Variants in PAM observed in about 807,000 individuals in gnomAD.
PAM encodes peptidyl-glycine alpha-amidating monooxygenase.
In PAM, 72 loss-of-function variants were observed where a neutral mutation model predicts 122.1. The observed-to-expected ratio is 0.59, with a 90% CI of 0.49 to 0.72. PAM has a LOEUF of 0.72. Among genes scored for constraint, PAM ranks in the 30% least tolerant of loss-of-function variants. The probability of loss-of-function intolerance (pLI) is 0.00; values close to 1 mark genes in which losing one functional copy is unlikely to be tolerated. For synonymous variants in PAM, 389 were observed against 404.4 expected (o/e 0.96, Z 0.46); for missense variants, 1,106 against 1,183.7 (o/e 0.93, Z 0.96).
chr5:102,847,851 A>G (rs115295123), intron 1 of PAM, among the ~76,000 whole-genome samples: 270 of 152,230 alleles, frequency 1.8e-3, no homozygotes, highest in African/African-American at 6.2e-3. Flanking sequence ...ACATCCTACA[A>G]TTTCTTCCAT....
At chr5:102,931,052 C>G (rs1236450817) in intron 7 of PAM, among the ~76,000 whole-genome samples, 1 of 152,018 alleles carries the variant, frequency 6.6e-6, no homozygotes, top group Non-Finnish European at 1.5e-5. Context: ...ATAGTGGTAT[C>G]ATAAAGGTAC....
intron 1 of PAM, among the ~76,000 whole-genome samples, chr5:102,777,703 G>A (rs1352278349): frequency 6.6e-6 from 1 of 152,036 alleles, no homozygotes; most frequent in East Asian, 1.9e-4. Context: ...TGAGGAACAT[G>A]GAATGTCACC....
intron 12 of PAM, among the ~76,000 whole-genome samples, chr5:102,955,062 T>G (rs1177699897): frequency 6.6e-6 from 1 of 152,112 alleles, no homozygotes; most frequent in African/African-American, 2.4e-5. Flanking sequence ...TCTTTGAAGT[T>G]TTTATATTTC....
intron 15 of PAM, among the ~76,000 whole-genome samples, chr5:102,978,414 A>G (rs1441264680): frequency 6.6e-6 from 1 of 152,204 alleles, no homozygotes; most frequent in Non-Finnish European, 1.5e-5. Flanking sequence ...TAGAGATAGC[A>G]TTAATAGAGT....
intron 15 of PAM, among the ~76,000 whole-genome samples, chr5:102,987,983 A>C (rs561752021): frequency 6.6e-6 from 1 of 152,204 alleles, no homozygotes; most frequent in East Asian, 1.9e-4. Flanking sequence ...GTACCTCAAA[A>C]TTTTCAGTAG....
At chr5:102,850,977 T>G (rs7704891) in intron 1 of PAM, among the ~76,000 whole-genome samples, 16,895 of 152,172 alleles carry the variant, frequency 0.11, 2,195 homozygotes, top group African/African-American at 0.31. Flanking sequence ...ATTGGTAGGT[T>G]CTATTTTGGG....
At chr5:102,874,416 C>T (rs895218959) in intron 3 of PAM, among the ~76,000 whole-genome samples, 2 of 152,050 alleles carry the variant, frequency 1.3e-5, no homozygotes, top group Admixed American at 6.6e-5. Context: ...TTTATTTTTA[C>T]TGAAACTTAT....
intron 1 of PAM, among the ~76,000 whole-genome samples, chr5:102,766,459 G>A (rs775438805): frequency 9.2e-5 from 14 of 152,070 alleles, no homozygotes; most frequent in South Asian, 4.1e-4. Flanking sequence ...CTCTAATGCC[G>A]CAGCTGATCT....
intron 1 of PAM, among the ~76,000 whole-genome samples, chr5:102,772,138 C>G (rs1755962419): frequency 6.6e-6 from 1 of 152,216 alleles, no homozygotes; most frequent in Middle Eastern, 3.4e-3. Context: ...TCACTTCATA[C>G]AGTGTGGTGG....
chr5:102,872,192 T>A (rs1198087100), intron 3 of PAM, among the ~76,000 whole-genome samples: 3 of 152,172 alleles, frequency 2.0e-5, no homozygotes, highest in Non-Finnish European at 4.4e-5. Flanking sequence ...CTTCAGATCA[T>A]GCATTGAAAT....
intron 1 of PAM, among the ~76,000 whole-genome samples, chr5:102,817,947 G>A (rs1036261595): frequency 2.7e-5 from 4 of 149,652 alleles, no homozygotes; most frequent in African/African-American, 7.4e-5. Context: ...GGTGTCTGCA[G>A]GGCCTGTGCA....
At chr5:102,953,833 G>C (rs1759798322) in intron 12 of PAM, among the ~76,000 whole-genome samples, 1 of 152,134 alleles carries the variant, frequency 6.6e-6, no homozygotes, top group Non-Finnish European at 1.5e-5. Context: ...GGCCAACATG[G>C]TGAAACCCCA....
At chr5:102,982,616 G>T (rs1770279627) in intron 15 of PAM, among the ~76,000 whole-genome samples, 1 of 152,194 alleles carries the variant, frequency 6.6e-6, no homozygotes, top group Non-Finnish European at 1.5e-5. Flanking sequence ...AGACACCACT[G>T]ATGCTGATTA....
intron 22 of PAM, among the ~76,000 whole-genome samples, chr5:103,019,464 G>T (rs1782954234): frequency 6.6e-6 from 1 of 152,130 alleles, no homozygotes; most frequent in South Asian, 2.1e-4. Flanking sequence ...CAACATGTCA[G>T]AACTAGTAAT....
chr5:102,881,752 T>A (rs932253683), intron 3 of PAM, among the ~76,000 whole-genome samples: 1 of 151,132 alleles, frequency 6.6e-6, no homozygotes, highest in Non-Finnish European at 1.5e-5. Context: ...CGTGAATAAG[T>A]TTTTTAGTGG....
At position 102,781,980 on chromosome 5, in the gene PAM, C is replaced by T. The variant is rs558642653; in HGVS notation, c.-374+26632C>T. 5.3e-5 allele frequency among the ~76,000 whole-genome samples: 8 copies of T among 152,272 alleles called. No individual in the cohort carries two copies. The South Asian group carries it at 1.5e-3, about 28-fold the overall frequency. On this transcript the variant is annotated intron_variant, in intron 1 of 25. Coordinates refer to ENST00000438793, the MANE Select transcript of PAM (RefSeq NM_001177306.2). ...GTCGTAAGGGTAAGTGGCTGGTCTG[C>T]GATCTGAAAACAGCCAGTCTGCAGT...
chr5:102,867,445 A>C, intron 3 of PAM, 52 bp downstream of exon 3: 1 of 1,429,622 alleles, frequency 7.0e-7, no homozygotes, highest in Non-Finnish European at 9.7e-7. Flanking sequence ...ACAATCTATA[A>C]TTAAAGTAAG....
intron 1 of PAM, among the ~76,000 whole-genome samples, chr5:102,817,516 T>C (rs1330656930): frequency 6.6e-6 from 1 of 152,154 alleles, no homozygotes; most frequent in African/African-American, 2.4e-5. Context: ...ATGTGATATA[T>C]TTTTAAAGTG....
At chr5:102,814,428 G>C (rs1161088628) in intron 1 of PAM, among the ~76,000 whole-genome samples, 1 of 151,816 alleles carries the variant, frequency 6.6e-6, no homozygotes, top group Non-Finnish European at 1.5e-5. Context: ...GGGTGATGGT[G>C]CACTAAGTAC....
Sources: allele counts gnomAD v4.1 joint callset (sites outside exome capture counted in the v4.1 genomes callset), GRCh38; gene constraint gnomAD v4.1.1; transcripts MANE v1.5; gene names NCBI Gene and HGNC (gene_info 2026-07-23, HGNC 2026-07-21).